The following ERCC3 variants were observed in gnomAD, a reference collection of about 807,000 sequenced individuals.
The protein encoded by ERCC3 is ERCC excision repair 3, TFIIH core complex helicase subunit.
Under a neutral mutation model 94.2 loss-of-function variants are expected in ERCC3, and 66 were observed. The observed-to-expected ratio is 0.70, with a 90% CI of 0.57 to 0.86. The LOEUF is 0.86. Ranked by LOEUF, ERCC3 falls within the 40% of genes least tolerant of loss-of-function variation. The pLI is 0.00. For missense variants in ERCC3, 829 were observed against 987.1 expected (o/e 0.84, Z 2.15); for synonymous variants, 349 against 369.1 (o/e 0.95, Z 0.63).
At chr2:127,286,288 C>T (rs560681347) in intron 8 of ERCC3, among the ~76,000 whole-genome samples, 8 of 152,308 alleles carry the variant, frequency 5.3e-5, no homozygotes, top group South Asian at 4.1e-4. Flanking sequence ...CGGTGGCTCA[C>T]GCCTGTAATC....
rs903506902 is a variant in ERCC3 at position 127,287,071 on chromosome 2, G to C, written c.1028-54C>G. Reference sequence around the variant, plus strand: ...CAAGGACAGGTTGAAATGAAGGACAGGGACAGGCAGAATGACTCACAAGTA... The same window carrying C: ...CAAGGACAGGTTGAAATGAAGGACACGGACAGGCAGAATGACTCACAAGTA... On this transcript the variant is annotated intron_variant, in intron 7 of 14. Transcript: ENST00000285398. 7 of 1,407,344 alleles carry C rather than the reference G, an allele frequency of 5.0e-6. No individual in the cohort carries two copies. In the Admixed American group the frequency reaches 5.1e-5, roughly 10 times the overall value. The allele number at this position is 1,407,344 out of a possible 1,614,324, so 87.2% of individuals were successfully genotyped here. A position where few individuals can be genotyped will look rare whatever the true frequency, so the allele number is the denominator to read the frequency against.
chr2:127,292,051 T>C (rs1044919513), intron 3 of ERCC3: 6 of 185,914 alleles, frequency 3.2e-5, no homozygotes, highest in African/African-American at 4.7e-5. Flanking sequence ...TGAAGGCTCT[T>C]GTCTATGGAC....
intron 1 of ERCC3, 165 bp downstream of exon 1, chr2:127,293,889 G>C (rs1036359727): frequency 6.9e-5 from 105 of 1,526,822 alleles, no homozygotes; most frequent in Non-Finnish European, 9.1e-5. Flanking sequence ...GCTGGGCTGC[G>C]CCCAGGTCCA....
rs1174382080 is a variant in ERCC3 at position 127,271,381 on chromosome 2, G to A, written c.1900C>T (p.Arg634Cys). ...IQISSHGGSR[R>C]QEAQRLGRVL... is the part of the protein sequence containing the mutation. ...CGCCCTAGCCTTTGGGCTTCCTGACGCCTGGAGCCACCATGGGATGAGATC... is the reference window on the plus strand; with the variant it reads ...CGCCCTAGCCTTTGGGCTTCCTGACACCTGGAGCCACCATGGGATGAGATC... The change falls in exon 12 of 15, where the codon CGT becomes TGT. Residue 634 changes from arginine to cysteine, a missense_variant. Coordinates refer to ENST00000285398, the MANE Select transcript of ERCC3 (RefSeq NM_000122.2). This position sits in a 1 kb window ranked among gnomAD's most constrained non-coding sequence, Gnocchi z 5.0. 5 of 1,613,878 alleles carry A rather than the reference G, an allele frequency of 3.1e-6. No individual in the cohort carries two copies. Among genetic ancestry groups the A allele is most frequent in the Non-Finnish European group, 4.2e-6 (5 of 1,179,966 alleles).
chr2:127,280,871 C>G lies in ERCC3; in HGVS notation c.1343-240G>C. The G allele has an allele frequency of 1.8e-6, 1 of 557,632 alleles. No homozygotes were observed. The highest frequency in any genetic ancestry group is 3.2e-6 in the Non-Finnish European group (1 of 317,228). 34.5% of individuals were successfully genotyped at this position (557,632 alleles called of 1,614,324 possible). On this transcript the variant is annotated intron_variant, in intron 8 of 14. Transcript: ENST00000285398. This position sits in a 1 kb window ranked among gnomAD's most constrained non-coding sequence, Gnocchi z 6.3. ...ATGCTCATAGCTGTGCAACTTAACA[C>G]TGGCTTATGACACCACCTGAACTAA...
intron 13 of ERCC3, chr2:127,260,749 A>G (rs1407399558): frequency 1.0e-5 from 2 of 190,854 alleles, no homozygotes; most frequent in East Asian, 2.6e-4. Context: ...CTGGACACCA[A>G]ATACTGACAT....
At position 127,271,109 on chromosome 2, in the gene ERCC3, T is replaced by A. The variant is rs1684533555; in HGVS notation, c.1945+227A>T. Among the ~76,000 whole-genome samples the A allele has an allele frequency of 6.6e-6, 1 of 152,198 alleles. No homozygotes were observed. The highest frequency in any genetic ancestry group is 2.4e-5 in the African/African-American group (1 of 41,448). On this transcript the variant is annotated intron_variant, in intron 12 of 14. Coordinates refer to ENST00000285398, the MANE Select transcript of ERCC3 (RefSeq NM_000122.2). The surrounding 1 kb of genome is among the most constrained non-coding windows in gnomAD (Gnocchi z 5.0). ...ACAGCTGCACAGTGTACAGAGCACATCTGTGTGGATTCCGTGACACTGTCA... is the reference window on the plus strand; with the variant it reads ...ACAGCTGCACAGTGTACAGAGCACAACTGTGTGGATTCCGTGACACTGTCA...
Position 127,279,054 on chromosome 2 carries a change from C to A in ERCC3, c.1730+119G>T. The stretch of plus-strand genomic sequence containing the variant: ...TGAGACCAGGGCCACAGAACAAGAT[C>A]TTTGGAGCCCAAGAAGTTCCTGAGA... On this transcript the variant is annotated intron_variant, in intron 10 of 14. Transcript: ENST00000285398. This position sits in a 1 kb window ranked among gnomAD's most constrained non-coding sequence, Gnocchi z 4.7. The A allele has an allele frequency of 1.4e-6, 1 of 732,552 alleles. No individual in the cohort carries two copies. The highest frequency in any genetic ancestry group is 2.4e-6 in the Non-Finnish European group (1 of 414,982). The allele number at this position is 732,552 out of a possible 1,614,324, so 45.4% of individuals were successfully genotyped here. A position where few individuals can be genotyped will look rare whatever the true frequency, so the allele number is the denominator to read the frequency against.
rs867939630 is a variant in ERCC3 at position 127,274,567 on chromosome 2, G to A, written c.1731-1606C>T. Among the ~76,000 whole-genome samples the A allele has an allele frequency of 8.5e-5, 13 of 152,334 alleles. No homozygotes were observed. The highest frequency in any genetic ancestry group is 1.5e-4 in the Non-Finnish European group (10 of 68,028). ...TGTGGGGAAGCTGGATAGGGCCTGG[G>A]CAGCTGCACACCCAGGCTGATGGCC... On this transcript the variant is annotated intron_variant, in intron 10 of 14. Coordinates refer to ENST00000285398, the MANE Select transcript of ERCC3 (RefSeq NM_000122.2). The surrounding 1 kb of genome is among the most constrained non-coding windows in gnomAD (Gnocchi z 4.0).
Position 127,264,528 on chromosome 2 carries a change from T to C in ERCC3, c.1946-3182A>G, listed in dbSNP as rs79660670. Among the ~76,000 whole-genome samples the C allele has an allele frequency of 9.0e-3, 1,372 of 152,362 alleles. 14 individuals are homozygous for C. Among genetic ancestry groups the C allele is most frequent in the African/African-American group, 0.031 (1,298 of 41,580 alleles). On this transcript the variant is annotated intron_variant, in intron 12 of 14. Transcript: ENST00000285398. This position sits in a 1 kb window ranked among gnomAD's most constrained non-coding sequence, Gnocchi z 4.4. ...TAATTATATGCTTTTCATTTTTAAT[T>C]ATGTGGTGAATCATATTTATTGATT...
chr2:127,278,891 C>CCAGA lies in ERCC3; in HGVS notation c.1730+278_1730+281dup, dbSNP rs532138086. On this transcript the variant is annotated intron_variant, in intron 10 of 14. Coordinates refer to ENST00000285398, the MANE Select transcript of ERCC3 (RefSeq NM_000122.2). ...GCCAACTCCCACCCACCTTTGGAGC[C>CCAGA]CAGATCTTCCATGGGGCCCCACCCA... Among the ~76,000 whole-genome samples, 351 of 152,250 alleles carry CCAGA rather than the reference C, an allele frequency of 2.3e-3. 6 individuals are homozygous for CCAGA. The highest frequency in any genetic ancestry group is 7.5e-3 in the African/African-American group (313 of 41,528).
intron 11 of ERCC3, among the ~76,000 whole-genome samples, chr2:127,272,601 A>G (rs534029595): frequency 2.1e-4 from 32 of 152,336 alleles, no homozygotes; most frequent in African/African-American, 7.7e-4. Flanking sequence ...AAATAAGGAA[A>G]TACAACTTAA....
At chr2:127,260,984 C>A (rs887303705) in intron 13 of ERCC3, 3 of 513,816 alleles carry the variant, frequency 5.8e-6, no homozygotes, top group African/African-American at 3.8e-5. Context: ...AGCAGCCCTG[C>A]GGGGCTCAGA....
At chr2:127,263,978 C>CGGATTACAG (rs1176616437) in intron 12 of ERCC3, among the ~76,000 whole-genome samples, 7 of 151,802 alleles carry the variant, frequency 4.6e-5, no homozygotes, top group Non-Finnish European at 8.8e-5. Flanking sequence ...CCAAAGTGCT[C>CGGATTACAG]GGATTACAGG....
In ERCC3 at chr2:127,291,295, G is replaced by A. The variant is rs1301213176; in HGVS notation, c.472-1022C>T. On this transcript the variant is annotated intron_variant, in intron 3 of 14. Transcript: ENST00000285398. This position sits in a 1 kb window ranked among gnomAD's most constrained non-coding sequence, Gnocchi z 4.9. ...TTCTGAGGCGGAGTCTCACTCTGTT[G>A]CCCAGGCTGGAGTGCAATGAATGGT... is the stretch of plus-strand genomic sequence containing the variant. Among the ~76,000 whole-genome samples, 2 of 151,860 alleles carry A rather than the reference G, an allele frequency of 1.3e-5. No individual in the cohort carries two copies. Among genetic ancestry groups the A allele is most frequent in the Non-Finnish European group, 2.9e-5 (2 of 67,996 alleles).
chr2:127,271,249 A>C lies in ERCC3; in HGVS notation c.1945+87T>G. 1 of 908,624 alleles carries C rather than the reference A, an allele frequency of 1.1e-6. No individual in the cohort carries two copies. The highest frequency in any genetic ancestry group is 1.9e-6 in the Non-Finnish European group (1 of 537,614). The allele number at this position is 908,624 out of a possible 1,614,324, so 56.3% of individuals were successfully genotyped here. A position where few individuals can be genotyped will look rare whatever the true frequency, so the allele number is the denominator to read the frequency against. ...CAGAGTCTATTTAGCCCCAGGGCAC[A>C]TGGCAGCTCTCACCCCTATCGTCTT... On this transcript the variant is annotated intron_variant, in intron 12 of 14. Coordinates refer to ENST00000285398, the MANE Select transcript of ERCC3 (RefSeq NM_000122.2). This position sits in a 1 kb window ranked among gnomAD's most constrained non-coding sequence, Gnocchi z 5.0.
At chr2:127,288,403 A>G (rs1685151172) in intron 7 of ERCC3, among the ~76,000 whole-genome samples, 1 of 152,162 alleles carries the variant, frequency 6.6e-6, no homozygotes, top group Non-Finnish European at 1.5e-5. Flanking sequence ...TCTGCTTACC[A>G]TCTGTCTCTT....
intron 8 of ERCC3, among the ~76,000 whole-genome samples, chr2:127,282,493 A>G (rs1250631024): frequency 1.3e-5 from 2 of 152,244 alleles, no homozygotes; most frequent in Non-Finnish European, 2.9e-5. Context: ...CCATAATATG[A>G]ATCATTAATA....
chr2:127,268,852 T>A (rs1002344278), intron 12 of ERCC3, among the ~76,000 whole-genome samples: 1 of 152,220 alleles, frequency 6.6e-6, no homozygotes, highest in African/African-American at 2.4e-5. Context: ...CCTTTTCGCT[T>A]TAAGAAAGCA....
Sources: allele counts gnomAD v4.1 joint callset (sites outside exome capture counted in the v4.1 genomes callset), GRCh38; gene constraint gnomAD v4.1.1; non-coding constraint Gnocchi (gnomAD v3.1); transcripts MANE v1.5; gene names NCBI Gene and HGNC (gene_info 2026-07-23, HGNC 2026-07-21).